Variants in SMAD5 observed in about 807,000 individuals in gnomAD.
SMAD5 encodes SMAD family member 5.
Under a neutral mutation model 43.1 loss-of-function variants are expected in SMAD5, and 9 were observed. That is an observed-to-expected ratio of 0.21 (90% CI 0.13 to 0.36). The LOEUF (loss-of-function observed/expected upper bound fraction) is 0.36, where lower values mean the gene tolerates loss of function less well. Ranked by LOEUF, SMAD5 falls within the 10% of genes least tolerant of loss-of-function variation. The pLI is 1.00. For synonymous variants in SMAD5, 190 were observed against 192.4 expected, an observed-to-expected ratio of 0.99 and a Z score of 0.10; for missense variants, 348 against 574.0, an observed-to-expected ratio of 0.61 and a Z score of 4.02.
chr5:136,134,739 A>G (rs1216481310), intron 1 of SMAD5: 1 of 152,186 alleles, frequency 6.6e-6, no homozygotes, highest in Non-Finnish European at 1.5e-5. Context: ...TTTGATGATT[A>G]TTTGTGTGAT....
rs147024152 is a variant in SMAD5 at position 136,134,813 on chromosome 5, T to C, written c.-245+1851T>C. The C allele has an allele frequency of 4.3e-3, 652 of 152,348 alleles. 9 individuals carry two copies. The highest frequency in any genetic ancestry group is 0.015 in the African/African-American group (613 of 41,566). 9.4% of individuals were successfully genotyped at this position (152,348 alleles called of 1,614,324 possible). A position where few individuals can be genotyped will look rare whatever the true frequency, so the allele number is the denominator to read the frequency against. On this transcript the variant is annotated intron_variant, in intron 1 of 7. Transcript: ENST00000545279. ...GTTGCTCCCTCAGTCTTTTTTACAT[T>C]ACTGCTGTTAATTTACCCATGTATC...
rs764174281 is a variant in SMAD5 at position 136,177,462 on chromosome 5, C to G, written c.1380C>G (p.Pro460=). The G allele has an allele frequency of 6.2e-7, 1 of 1,610,862 alleles. No homozygotes were observed. Among genetic ancestry groups the G allele is most frequent in the South Asian group, 1.1e-5 (1 of 90,506 alleles). The change falls in exon 8 of 8, where the codon CCC becomes CCG. Residue 460 remains proline, a synonymous_variant. Transcript: ENST00000545279. ...VLTQMGSPLN[P]ISSVS ...CTCAGATGGGCTCCCCTCTGAACCC[C>G]ATATCTTCTGTTTCATAATGCAGAA...
chr5:136,154,639 A>G (rs1753572618), intron 3 of SMAD5, among the ~76,000 whole-genome samples: 1 of 152,168 alleles, frequency 6.6e-6, no homozygotes, highest in Non-Finnish European at 1.5e-5. Flanking sequence ...CTTCATTCAC[A>G]TAACCCAACC....
intron 1 of SMAD5, among the ~76,000 whole-genome samples, chr5:136,139,126 C>CTGTGTGTGTGTGTG (rs33970909): frequency 3.6e-5 from 5 of 139,872 alleles, no homozygotes; most frequent in African/African-American, 1.2e-4. Flanking sequence ...TAGCTGTGAG[C>CTGTGTGTGTGTGTG]TCTGTGTGTG....
chr5:136,135,142 C>T (rs1039540895), intron 1 of SMAD5, among the ~76,000 whole-genome samples: 5 of 152,160 alleles, frequency 3.3e-5, no homozygotes, highest in Non-Finnish European at 5.9e-5. Context: ...CTGGCAAAGT[C>T]AGCTATTAAT....
At position 136,160,723 on chromosome 5, in the gene SMAD5, A is replaced by G. The variant is rs1561650787; in HGVS notation, c.404-133A>G. 3.7e-6 allele frequency: 3 copies of G among 805,554 alleles called. No homozygotes were observed. In the East Asian group the frequency reaches 7.9e-5, roughly 21 times the overall value. 49.9% of individuals were successfully genotyped at this position (805,554 alleles called of 1,614,324 possible). On this transcript the variant is annotated intron_variant, in intron 3 of 7. Transcript: ENST00000545279. ...AAATAGAGATTCAGGGCTCTATAAA[A>G]CAGCCCTTTCTAAAAGTAAATTGTT...
intron 1 of SMAD5, among the ~76,000 whole-genome samples, chr5:136,141,285 C>T (rs576415020): frequency 6.6e-6 from 1 of 152,250 alleles, no homozygotes; most frequent in South Asian, 2.1e-4. Flanking sequence ...AATAATGCTT[C>T]TGGAGTTTGA....
At chr5:136,137,017 ATTTTTTTTTT>A (rs60239443) in intron 1 of SMAD5, among the ~76,000 whole-genome samples, 2 of 108,996 alleles carry the variant, frequency 1.8e-5, no homozygotes, top group Middle Eastern at 5.1e-3. Flanking sequence ...TTTAGTTTTG[ATTTTTTTTTT>A]TTTTTTTTTT....
intron 1 of SMAD5, among the ~76,000 whole-genome samples, chr5:136,139,126 C>CTGTGTGTGTGTGTGTGTGTG (rs33970909): frequency 7.1e-6 from 1 of 139,872 alleles, no homozygotes; most frequent in Non-Finnish European, 1.5e-5. Flanking sequence ...TAGCTGTGAG[C>CTGTGTGTGTGTGTGTGTGTG]TCTGTGTGTG....
intron 5 of SMAD5, among the ~76,000 whole-genome samples, chr5:136,166,909 C>T (rs991689691): frequency 1.3e-5 from 2 of 152,152 alleles, no homozygotes; most frequent in African/African-American, 4.8e-5. Context: ...AACAACTGAG[C>T]CCCTTTAGAG....
At chr5:136,164,018 A>G (rs1022030196) in intron 5 of SMAD5, among the ~76,000 whole-genome samples, 11 of 152,272 alleles carry the variant, frequency 7.2e-5, no homozygotes, top group South Asian at 4.2e-4. Context: ...CCCCGTCTCT[A>G]CTAAAAATAC....
At position 136,172,722 on chromosome 5, in the gene SMAD5, A is replaced by G. The variant is rs75613009; in HGVS notation, c.997+67A>G. The G allele has an allele frequency of 4.2e-3, 4,570 of 1,081,682 alleles. 135 individuals are homozygous for G. In the African/African-American group the frequency reaches 0.062, roughly 15 times the overall value. The allele number at this position is 1,081,682 out of a possible 1,614,324, so 67.0% of individuals were successfully genotyped here. ...TTGTTGTACTTGCCATGAACCATGC[A>G]TTGTGAAAGGTGCTAGAAACATACA... is the stretch of plus-strand genomic sequence containing the variant. On this transcript the variant is annotated intron_variant, in intron 6 of 7. Coordinates refer to ENST00000545279, the MANE Select transcript of SMAD5 (RefSeq NM_005903.7).
At chr5:136,167,727 G>A (rs1234500543) in intron 5 of SMAD5, among the ~76,000 whole-genome samples, 6 of 148,630 alleles carry the variant, frequency 4.0e-5, no homozygotes, top group African/African-American at 1.2e-4. Context: ...GCAGTGAGCC[G>A]AGATCATGCT....
chr5:136,137,374 TC>T (rs570027725), intron 1 of SMAD5, among the ~76,000 whole-genome samples: 25 of 152,264 alleles, frequency 1.6e-4, no homozygotes, highest in African/African-American at 5.3e-4. Flanking sequence ...CAGGATTTTT[TC>T]TTTTGATATC....
At chr5:136,141,647 G>A (rs1349427456) in intron 1 of SMAD5, among the ~76,000 whole-genome samples, 2 of 152,150 alleles carry the variant, frequency 1.3e-5, no homozygotes, top group East Asian at 1.9e-4. Context: ...TGCTCAATAA[G>A]TGTTTAATGA....
chr5:136,179,880 T>C lies in SMAD5; in HGVS notation c.*2400T>C, dbSNP rs1160451284. ...TGGGCTGCAGTAAACTAGTGGAAAT[T>C]AGAGAGTTGTTTTATTGGTGTTTTC... On this transcript the variant is annotated 3_prime_UTR_variant, in exon 8 of 8. Coordinates refer to ENST00000545279, the MANE Select transcript of SMAD5 (RefSeq NM_005903.7). 6.6e-6 allele frequency: 1 copy of C among 152,214 alleles called. No individual in the cohort carries two copies. The highest frequency in any genetic ancestry group is 2.4e-5 in the African/African-American group (1 of 41,460). The allele number at this position is 152,214 out of a possible 1,614,324, so 9.4% of individuals were successfully genotyped here. A position where few individuals can be genotyped will look rare whatever the true frequency, so the allele number is the denominator to read the frequency against.
intron 3 of SMAD5, among the ~76,000 whole-genome samples, chr5:136,156,692 G>A (rs1753647999): frequency 6.6e-6 from 1 of 152,166 alleles, no homozygotes; most frequent in Admixed American, 6.5e-5. Flanking sequence ...GGGAGTCTAG[G>A]AATTTTATGT....
chr5:136,156,340 G>C (rs1753635771), intron 3 of SMAD5, among the ~76,000 whole-genome samples: 1 of 152,170 alleles, frequency 6.6e-6, no homozygotes. Flanking sequence ...TACTCAAGCA[G>C]GGAGAATTAC....
In SMAD5 at chr5:136,161,033, C is replaced by T; in HGVS notation, c.581C>T (p.Pro194Leu). 6.2e-7 allele frequency: 1 copy of T among 1,613,856 alleles called. No individual in the cohort carries two copies. Among genetic ancestry groups the T allele is most frequent in the Non-Finnish European group, 8.5e-7 (1 of 1,179,832 alleles). ...PFPLSPNSPY[P>L]PSPASSTYPN... ...CCCTTATCTCCAAACAGCCCTTATC[C>T]CCCTTCTCCTGCTAGCAGCACATAT... Residue 194 changes from proline to leucine, a missense_variant, in exon 4 of 8, where the codon CCC (proline) becomes CTC (leucine). By Grantham distance (98) the Pro-to-Leu change is moderately conservative. Coordinates refer to ENST00000545279, the MANE Select transcript of SMAD5 (RefSeq NM_005903.7).
Sources: gnomAD v4.1 joint callset for allele counts (sites outside exome capture counted in the v4.1 genomes callset) on GRCh38, gnomAD v4.1.1 for gene constraint, MANE v1.5 for transcripts, NCBI Gene and HGNC (gene_info 2026-07-23, HGNC 2026-07-21) for gene names.